Variants in UNC13A observed in about 807,000 individuals in gnomAD.
UNC13A encodes the protein protein unc-13 homolog A.
In UNC13A, 61 loss-of-function variants were observed where a neutral mutation model predicts 219.7. The ratio of observed to expected loss-of-function variants is 0.28; its 90% CI spans 0.23 to 0.34. UNC13A has a LOEUF of 0.34. UNC13A is among the 10% of genes least tolerant of loss of function. The pLI, the probability that UNC13A is intolerant of heterozygous loss-of-function variation, is 1.00. For synonymous variants in UNC13A, 920 were observed against 884.6 expected (o/e 1.04, Z -0.71); for missense variants, 1,476 against 2,270.3 (o/e 0.65, Z 7.11).
chr19:17,628,222 G>T (rs1362677146), intron 31 of UNC13A: 10 of 479,346 alleles, frequency 2.1e-5, no homozygotes, highest in Non-Finnish European at 3.0e-5. Context: ...AACTCTGGGA[G>T]TAGCAGAGTT....
rs1377818180 is a variant in UNC13A, at chr19:17,652,521, T to C, written c.1439+110A>G. 17 of 1,375,364 alleles carry C rather than the reference T, an allele frequency of 1.2e-5. No homozygotes were observed. The Middle Eastern group carries it at 7.2e-4, about 58-fold the overall frequency. 85.2% of individuals were successfully genotyped at this position (1,375,364 alleles called of 1,614,324 possible). ...TTTTGCCCAAGCTCAATCTGTCCCCTGTCTAAATGGAACCCCTCCTCCTCC... is the reference window on the plus strand; with the variant it reads ...TTTTGCCCAAGCTCAATCTGTCCCCCGTCTAAATGGAACCCCTCCTCCTCC... On this transcript the variant is annotated intron_variant, in intron 12 of 43. Coordinates refer to ENST00000519716, the MANE Select transcript of UNC13A (RefSeq NM_001080421.3).
At chr19:17,631,079 CCT>C (rs1328598739) in intron 28 of UNC13A, among the ~76,000 whole-genome samples, 422 of 121,308 alleles carry the variant, frequency 3.5e-3, no homozygotes, top group African/African-American at 0.014. Context: ...CTCCCTCCTT[CCT>C]TCCTTCCTTC....
At chr19:17,643,717 C>T (rs954413244) in intron 19 of UNC13A, among the ~76,000 whole-genome samples, 2 of 152,164 alleles carry the variant, frequency 1.3e-5, no homozygotes, top group Non-Finnish European at 2.9e-5. Context: ...CCTGTCTCTT[C>T]CTTCAAACAA....
chr19:17,617,763 C>T lies in UNC13A; in HGVS notation c.4497G>A (p.Ser1499=), dbSNP rs56174023. ...PDLQSLRYAL[S]LYTQATDLLI... is the part of the protein sequence containing the mutation. ...GCAGGTCGGTGGCCTGCGTGTAGAG[C>T]GACAGGGCATAGCGCAAGGATTGCA... is the stretch of plus-strand genomic sequence containing the variant. The change falls in exon 41 of 44, where the codon TCG becomes TCA. Residue 1499 remains serine (S), a synonymous_variant. Coordinates refer to ENST00000519716, the MANE Select transcript of UNC13A (RefSeq NM_001080421.3). The T allele has an allele frequency of 0.21, 344,420 of 1,613,712 alleles. 40,756 individuals carry two copies. The highest frequency in any genetic ancestry group is 0.24 in the Non-Finnish European group (287,789 of 1,179,776).
intron 1 of UNC13A, among the ~76,000 whole-genome samples, chr19:17,686,645 C>G (rs886851318): frequency 6.6e-6 from 1 of 152,004 alleles, no homozygotes; most frequent in Admixed American, 6.6e-5. Flanking sequence ...CTCTAGGGAC[C>G]CTTCTTCCAC....
At chr19:17,659,360 TG>T (rs2079513360) in intron 8 of UNC13A, among the ~76,000 whole-genome samples, 1 of 152,142 alleles carries the variant, frequency 6.6e-6, no homozygotes, top group African/African-American at 2.4e-5. Flanking sequence ...GGAGAATCTC[TG>T]GAACCCAGGA....
chr19:17,606,198 G>T lies in UNC13A; in HGVS notation c.4968C>A (p.Gly1656=), dbSNP rs1027029364. ...RGSAACWLPL[G]RRIHMDDTGL... ...CCGTGTCGTCCATGTGGATGCGGCG[G>T]CCGAGCGGCAGCCAGCAGGCGGCGC... The change falls in exon 44 of 44, where the codon GGC becomes GGA. Residue 1656 remains glycine, a synonymous_variant. Coordinates refer to ENST00000519716, the MANE Select transcript of UNC13A (RefSeq NM_001080421.3). 1 of 1,552,524 alleles carries T rather than the reference G, an allele frequency of 6.4e-7. No individual in the cohort carries two copies. Among genetic ancestry groups the T allele is most frequent in the Non-Finnish European group, 8.7e-7 (1 of 1,151,232 alleles).
intron 41 of UNC13A, among the ~76,000 whole-genome samples, chr19:17,615,334 A>G (rs2076651396): frequency 6.6e-6 from 1 of 152,032 alleles, no homozygotes; most frequent in African/African-American, 2.4e-5. Flanking sequence ...GTGACCTGAG[A>G]TTTCGCCATT....
rs2076606126 is a variant in UNC13A, at chr19:17,611,746, C to T, written c.4651+17G>A. Reference sequence around the variant, plus strand: ...GTTTTAGAACCTAGCAAGTCCCTCCCACCTCAGACCACTCACCTTTCACTG... The same window carrying T: ...GTTTTAGAACCTAGCAAGTCCCTCCTACCTCAGACCACTCACCTTTCACTG... On this transcript the variant is annotated intron_variant, in intron 42 of 43. Coordinates refer to ENST00000519716, the MANE Select transcript of UNC13A (RefSeq NM_001080421.3). 3 of 1,611,314 alleles carry T rather than the reference C, an allele frequency of 1.9e-6. No homozygotes were observed. The highest frequency in any genetic ancestry group is 3.3e-5 in the Admixed American group (2 of 59,970).
At chr19:17,650,835 C>T (rs1477609733) in intron 12 of UNC13A, among the ~76,000 whole-genome samples, 3 of 152,002 alleles carry the variant, frequency 2.0e-5, no homozygotes, top group Admixed American at 6.6e-5. Context: ...GGCACAATCA[C>T]GGCTCACTGT....
intron 4 of UNC13A, among the ~76,000 whole-genome samples, chr19:17,670,091 C>T (rs1382563445): frequency 3.3e-5 from 5 of 151,412 alleles, no homozygotes; most frequent in South Asian, 2.1e-4. Flanking sequence ...GGACTACAGG[C>T]ACCCGCCACC....
At chr19:17,642,245 A>C (rs1304808373) in intron 20 of UNC13A, among the ~76,000 whole-genome samples, 4 of 152,012 alleles carry the variant, frequency 2.6e-5, no homozygotes, top group Non-Finnish European at 5.9e-5. Context: ...TCCATCCATC[A>C]TTCATCTATA....
chr19:17,681,951 ATTTTT>A (rs397859270), intron 1 of UNC13A, among the ~76,000 whole-genome samples: 40,149 of 133,100 alleles, frequency 0.3, 5,768 homozygotes, highest in Middle Eastern at 0.38. Flanking sequence ...ATCATCATTG[ATTTTT>A]TTTTTTTTTT....
At chr19:17,656,852 CAAAAAAAAAAA>C (rs59091574) in intron 9 of UNC13A, among the ~76,000 whole-genome samples, 4 of 102,192 alleles carry the variant, frequency 3.9e-5, no homozygotes, top group African/African-American at 1.5e-4. Context: ...AATTCCGTCT[CAAAAAAAAAAA>C]AAAAAAAAAA....
chr19:17,653,181 A>G (rs2079382417), intron 11 of UNC13A, among the ~76,000 whole-genome samples: 1 of 151,532 alleles, frequency 6.6e-6, no homozygotes, highest in South Asian at 2.1e-4. Flanking sequence ...TGAAATATTG[A>G]GGGGGTGTTT....
In UNC13A at chr19:17,660,657, G is replaced by A. The variant is rs190098718; in HGVS notation, c.560-2388C>T. ...AATGATTCTCCTGCCTCAGCCTCCC[G>A]AGTAGCTGGGATTAAAGGCATGCAC... is the stretch of plus-strand genomic sequence containing the variant. On this transcript the variant is annotated intron_variant, in intron 8 of 43. Coordinates refer to ENST00000519716, the MANE Select transcript of UNC13A (RefSeq NM_001080421.3). 4.3e-3 allele frequency among the ~76,000 whole-genome samples: 644 copies of A among 150,122 alleles called. 5 individuals are homozygous for A. Among genetic ancestry groups the A allele is most frequent in the African/African-American group, 0.015 (601 of 40,838 alleles).
At chr19:17,670,922 A>ATAAAATAAAATAAAAT (rs774698575) in intron 4 of UNC13A, among the ~76,000 whole-genome samples, 227 of 89,136 alleles carry the variant, frequency 2.5e-3, no homozygotes, top group African/African-American at 8.4e-3. Flanking sequence ...ATAAAATAAA[A>ATAAAATAAAATAAAAT]TAAAATAAAA....
chr19:17,624,835 G>T lies in UNC13A; in HGVS notation c.4191C>A (p.Asp1397Glu). The part of the protein sequence containing the change: ...EKTIVLPPLT[D>E]QTMIGNLLRK... ...GGCCCCCTGCAGGTCTCACCGTCTG[G>T]TCAGTGAGGGGCGGCAGGACGATGG... Residue 1397 changes from aspartate (D) to glutamate (E), a missense_variant, in exon 35 of 44, where the codon GAC becomes GAA. Physicochemically the swap from Asp to Glu is conservative, Grantham distance 45. Coordinates refer to ENST00000519716, the MANE Select transcript of UNC13A (RefSeq NM_001080421.3). 6.2e-7 allele frequency: 1 copy of T among 1,613,454 alleles called. No homozygotes were observed. Among genetic ancestry groups the T allele is most frequent in the Non-Finnish European group, 8.5e-7 (1 of 1,179,546 alleles).
chr19:17,663,149 T>C (rs2079581060), intron 8 of UNC13A, among the ~76,000 whole-genome samples: 1 of 150,398 alleles, frequency 6.6e-6, no homozygotes, highest in African/African-American at 2.5e-5. Context: ...CATTTCCAAG[T>C]GGAGAAGGAA....
Sources: gnomAD v4.1 joint callset for allele counts (sites outside exome capture counted in the v4.1 genomes callset) on GRCh38, gnomAD v4.1.1 for gene constraint, MANE v1.5 for transcripts, NCBI Gene and HGNC (gene_info 2026-07-23, HGNC 2026-07-21) for gene names.